The following KAZN variants were observed in gnomAD, a reference collection of about 807,000 sequenced individuals.
KAZN encodes kazrin, periplakin interacting protein, also known as kazrin.
KAZN carries 40 observed loss-of-function variants against 87.4 expected under a neutral mutation model. That is an observed-to-expected ratio of 0.46 (90% CI 0.36 to 0.60). The LOEUF is 0.60. KAZN is among the 20% of genes least tolerant of loss of function. The pLI is 0.00. For synonymous variants in KAZN, 466 were observed against 458.3 expected (o/e 1.02, Z -0.22); for missense variants, 898 against 1,073.9 (o/e 0.84, Z 2.29).
intron 1 of KAZN, among the ~76,000 whole-genome samples, chr1:13,952,669 C>T (rs1186689987): frequency 1.3e-5 from 2 of 151,946 alleles, no homozygotes; most frequent in Non-Finnish European, 2.9e-5. Context: ...CGATCGCTTT[C>T]AGAACACCTT....
chr1:14,514,011 C>A (rs1443495985), intron 2 of KAZN, among the ~76,000 whole-genome samples: 3 of 151,444 alleles, frequency 2.0e-5, no homozygotes, highest in African/African-American at 7.3e-5. Context: ...GCATAAGCAC[C>A]AGCTGAGCCG....
Position 14,133,378 on chromosome 1 carries a change from AAAGAAAGAAAGAAAG to A in KAZN, c.92-47054_92-47040del, listed in dbSNP as rs1390793637. On this transcript the variant is annotated intron_variant, in intron 1 of 16. Transcript: ENST00000636203. The stretch of plus-strand genomic sequence containing the variant: ...GAGACTCCCTCTCAAAAAAAAAAAA[AAAGAAAGAAAGAAAG>A]AAAGAAAGAAAGAAAGAAAGAAAGA... Among the ~76,000 whole-genome samples, 20 of 22,486 alleles carry A rather than the reference AAAGAAAGAAAGAAAG, an allele frequency of 8.9e-4. 1 individual carries two copies. The highest frequency in any genetic ancestry group is 3.3e-3 in the African/African-American group (19 of 5,716). The allele number at this position is 22,486 out of a possible 152,430, so 14.8% of individuals were successfully genotyped here.
intron 1 of KAZN, among the ~76,000 whole-genome samples, chr1:14,606,400 A>T (rs1268212112): frequency 6.6e-6 from 1 of 152,158 alleles, no homozygotes; most frequent in East Asian, 1.9e-4. Flanking sequence ...CCAGCCTCTC[A>T]GCCATCAACT....
chr1:14,505,503 G>A (rs530013828), intron 2 of KAZN, among the ~76,000 whole-genome samples: 12 of 152,224 alleles, frequency 7.9e-5, no homozygotes, highest in African/African-American at 2.6e-4. Flanking sequence ...CATGCTAAGT[G>A]AAATAAACCA....
intron 2 of KAZN, among the ~76,000 whole-genome samples, chr1:14,329,416 G>C (rs1442823723): frequency 5.9e-5 from 9 of 152,212 alleles, no homozygotes. Flanking sequence ...AAGCAGAAGA[G>C]GGAATGAATG....
chr1:14,896,041 C>CTTTT lies in KAZN; in HGVS notation c.227-64615_227-64612dup, dbSNP rs201188620. ...CAGTAAGTACAAATGAAAAAGACGC[C>CTTTT]TTTTTTTTTTTTTTTTTTTTTTTTT... On this transcript the variant is annotated intron_variant, in intron 1 of 14. Transcript: ENST00000376030. Among the ~76,000 whole-genome samples the CTTTT allele has an allele frequency of 7.8e-5, 11 of 140,756 alleles. 1 individual carries two copies. The highest frequency in any genetic ancestry group is 4.3e-4 in the East Asian group (2 of 4,694). The allele number at this position is 140,756 out of a possible 152,430, so 92.3% of individuals were successfully genotyped here.
At position 14,354,800 on chromosome 1, in the gene KAZN, T is replaced by C. The variant is rs141971047; in HGVS notation, c.249+174208T>C. Among the ~76,000 whole-genome samples the C allele has an allele frequency of 2.6e-3, 399 of 152,152 alleles. 1 individual carries two copies. Among genetic ancestry groups the C allele is most frequent in the Non-Finnish European group, 4.1e-3 (277 of 68,036 alleles). On this transcript the variant is annotated intron_variant, in intron 2 of 16. Transcript: ENST00000636203. ...ATCAGTTTTGAAAACTAGCATGTTC[T>C]TAAAATGTTATATATACAGCTATCC...
At chr1:14,119,924 C>T (rs975813815) in intron 1 of KAZN, among the ~76,000 whole-genome samples, 7 of 33,764 alleles carry the variant, frequency 2.1e-4, no homozygotes, top group Non-Finnish European at 3.3e-4. Flanking sequence ...TGTGTACGAT[C>T]TATTTGGTGT....
At chr1:13,894,058 G>A (rs985654729) in intron 1 of KAZN, among the ~76,000 whole-genome samples, 1 of 152,168 alleles carries the variant, frequency 6.6e-6, no homozygotes, top group Non-Finnish European at 1.5e-5. Flanking sequence ...GTGAAGGAGG[G>A]TGCGTCAGGA....
intron 2 of KAZN, among the ~76,000 whole-genome samples, chr1:14,372,425 G>T (rs1226599044): frequency 5.3e-5 from 8 of 152,142 alleles, no homozygotes. Context: ...CTAGTGACAG[G>T]CATTTGGGCC....
chr1:14,652,272 A>C (rs1439437684), intron 1 of KAZN, among the ~76,000 whole-genome samples: 1 of 152,126 alleles, frequency 6.6e-6, no homozygotes, highest in South Asian at 2.1e-4. Flanking sequence ...AAGTTGTGTG[A>C]TATTTTTACC....
chr1:14,371,416 C>T (rs939601349), intron 2 of KAZN, among the ~76,000 whole-genome samples: 12 of 152,124 alleles, frequency 7.9e-5, no homozygotes, highest in African/African-American at 2.7e-4. Context: ...AGGCTAAGCC[C>T]ACCCCCTGCA....
At chr1:14,413,961 C>T (rs957929896) in intron 2 of KAZN, among the ~76,000 whole-genome samples, 2 of 152,142 alleles carry the variant, frequency 1.3e-5, no homozygotes, top group African/African-American at 4.8e-5. Flanking sequence ...CATTAGTAAT[C>T]AGGGAAGTGC....
At chr1:14,297,922 C>T (rs918203218) in intron 2 of KAZN, among the ~76,000 whole-genome samples, 1 of 152,072 alleles carries the variant, frequency 6.6e-6, no homozygotes. Context: ...ATGGTGGAAA[C>T]CAATAGAAAA....
At position 14,610,318 on chromosome 1, in the gene KAZN, C is replaced by A. The variant is rs1677715130; in HGVS notation, c.226+11095C>A. Among the ~76,000 whole-genome samples the A allele has an allele frequency of 2.6e-5, 4 of 152,154 alleles. No homozygotes were observed. In the South Asian group the frequency reaches 8.3e-4, roughly 32 times the overall value. ...CGCCTCCCGGGTTCACACCATTCTC[C>A]TGCCTCAGCCTCCCGAGTAGCTGGG... On this transcript the variant is annotated intron_variant, in intron 1 of 14. Coordinates refer to ENST00000376030, the MANE Select transcript of KAZN (RefSeq NM_201628.3).
intron 2 of KAZN, among the ~76,000 whole-genome samples, chr1:15,002,179 C>T (rs139556206): frequency 5.9e-5 from 9 of 152,244 alleles, no homozygotes; most frequent in African/African-American, 7.2e-5. Flanking sequence ...CGTGCCTGGC[C>T]GCAAAATCTT....
chr1:14,245,183 T>C (rs1020670305), intron 2 of KAZN, among the ~76,000 whole-genome samples: 2 of 152,054 alleles, frequency 1.3e-5, no homozygotes, highest in Non-Finnish European at 2.9e-5. Flanking sequence ...CAGGCTGGTC[T>C]TGAACTCCGG....
At chr1:14,884,159 C>T (rs1653788282) in intron 1 of KAZN, among the ~76,000 whole-genome samples, 1 of 152,048 alleles carries the variant, frequency 6.6e-6, no homozygotes, top group South Asian at 2.1e-4. Flanking sequence ...TTTGGGAGGC[C>T]GAGGCGGGTG....
At chr1:14,652,544 T>G (rs1380958946) in intron 1 of KAZN, among the ~76,000 whole-genome samples, 1 of 83,036 alleles carries the variant, frequency 1.2e-5, no homozygotes, top group African/African-American at 5.1e-5. Context: ...CTCTCCCCCA[T>G]CCACCTATTC....
Sources: gnomAD v4.1 joint callset for allele counts (sites outside exome capture counted in the v4.1 genomes callset) on GRCh38, gnomAD v4.1.1 for gene constraint, MANE v1.5 for transcripts, NCBI Gene and HGNC (gene_info 2026-07-23, HGNC 2026-07-21) for gene names.